Variants in TXLNB observed in about 807,000 individuals in gnomAD.
The protein encoded by TXLNB is beta-taxilin.
TXLNB carries 37 observed loss-of-function variants against 57.4 expected under a neutral mutation model. That is an observed-to-expected ratio of 0.64 (90% CI 0.50 to 0.85). The LOEUF (loss-of-function observed/expected upper bound fraction) is 0.85. TXLNB is among the 40% of genes least tolerant of loss of function. The pLI, the probability that TXLNB is intolerant of heterozygous loss-of-function variation, is 0.00. For missense variants in TXLNB, 848 were observed against 825.6 expected, an observed-to-expected ratio of 1.03 and a Z score of -0.33; for synonymous variants, 302 against 309.6, an observed-to-expected ratio of 0.98 and a Z score of 0.26.
chr6:139,255,093 G>A (rs147528060), intron 7 of TXLNB, among the ~76,000 whole-genome samples: 28 of 152,260 alleles, frequency 1.8e-4, no homozygotes, highest in Middle Eastern at 3.4e-3. Context: ...AAGTGCTGAC[G>A]TTACAGGTGT....
At chr6:139,214,005 A>C in the TXLNB span, among the ~76,000 whole-genome samples, 3 of 152,162 alleles carry the variant, frequency 2.0e-5, no homozygotes, top group East Asian at 1.9e-4. Context: ...CAACCAAAAA[A>C]AGTCCAGGAT....
At chr6:139,297,966 T>G in the TXLNB span, among the ~76,000 whole-genome samples, 1 of 152,162 alleles carries the variant, frequency 6.6e-6, no homozygotes, top group Non-Finnish European at 1.5e-5. Flanking sequence ...CTTTCTAAAA[T>G]GGAGGGAAAT....
the TXLNB span, among the ~76,000 whole-genome samples, chr6:139,196,752 G>C: frequency 2.6e-5 from 4 of 151,908 alleles, no homozygotes; most frequent in Non-Finnish European, 4.4e-5. Flanking sequence ...TCAATTAAAA[G>C]GTAAATTAAA....
At chr6:139,164,124 G>C in the TXLNB span, among the ~76,000 whole-genome samples, 2 of 151,032 alleles carry the variant, frequency 1.3e-5, no homozygotes, top group African/African-American at 4.9e-5. Flanking sequence ...CACTGCTCCT[G>C]AAGCACAGGC....
the TXLNB span, among the ~76,000 whole-genome samples, chr6:139,213,716 T>G: frequency 1.6e-4 from 24 of 151,986 alleles, no homozygotes; most frequent in Admixed American, 7.9e-4. Context: ...ATCAACAAAA[T>G]TGATAGACCA....
intron 9 of TXLNB, among the ~76,000 whole-genome samples, 199 bp downstream of exon 9, chr6:139,244,392 CTCTT>C (rs1028565910): frequency 6.6e-6 from 1 of 152,166 alleles, no homozygotes; most frequent in Non-Finnish European, 1.5e-5. Flanking sequence ...GGTCACAAAA[CTCTT>C]TCTGAGTCTG....
At chr6:139,195,462 G>T in the TXLNB span, among the ~76,000 whole-genome samples, 16 of 152,268 alleles carry the variant, frequency 1.1e-4, no homozygotes, top group Admixed American at 1.0e-3. Flanking sequence ...AGTCTGAGAA[G>T]CCTGTGCATA....
At chr6:139,206,737 G>C in the TXLNB span, among the ~76,000 whole-genome samples, 1 of 151,748 alleles carries the variant, frequency 6.6e-6, no homozygotes, top group Non-Finnish European at 1.5e-5. Flanking sequence ...CCAAGTGTCT[G>C]CTGTCTTCAT....
chr6:139,202,614 G>A, the TXLNB span, among the ~76,000 whole-genome samples: 1 of 152,152 alleles, frequency 6.6e-6, no homozygotes, highest in African/African-American at 2.4e-5. Context: ...ATAAAGTACA[G>A]TGTGATATTT....
intron 5 of TXLNB, 26 bp downstream of exon 5, chr6:139,262,548 ACTGTT>A: frequency 6.4e-7 from 1 of 1,569,446 alleles, no homozygotes; most frequent in Non-Finnish European, 8.7e-7. Flanking sequence ...GGATCTATGT[ACTGTT>A]CTAAGTTGTT....
At chr6:139,239,000 T>C (rs1775867729), downstream of TXLNB, 5 of 152,186 alleles carry the variant, frequency 3.3e-5, no homozygotes, top group South Asian at 1.0e-3. Flanking sequence ...ATGTTACTTT[T>C]ATCATCTCAA....
chr6:139,257,964 G>A (rs1776388220), intron 6 of TXLNB, among the ~76,000 whole-genome samples: 1 of 152,182 alleles, frequency 6.6e-6, no homozygotes, highest in African/African-American at 2.4e-5. Flanking sequence ...GACTGGGGCA[G>A]CTGTGGAGTA....
the TXLNB span, among the ~76,000 whole-genome samples, chr6:139,192,989 AAC>A: frequency 5.6e-5 from 7 of 124,246 alleles, no homozygotes; most frequent in Admixed American, 3.9e-4. Context: ...AAAAAAAAAC[AAC>A]AAAAAAACCC....
chr6:139,220,377 G>T, the TXLNB span, among the ~76,000 whole-genome samples: 1 of 152,220 alleles, frequency 6.6e-6, no homozygotes, highest in Non-Finnish European at 1.5e-5. Flanking sequence ...CTCACACAAA[G>T]TGATGGGAAA....
the TXLNB span, among the ~76,000 whole-genome samples, chr6:139,196,868 T>C: frequency 6.6e-6 from 1 of 152,202 alleles, no homozygotes; most frequent in African/African-American, 2.4e-5. Flanking sequence ...ATAAATGAAT[T>C]CAAGCCATGT....
the TXLNB span, among the ~76,000 whole-genome samples, chr6:139,323,080 CA>C: frequency 7.2e-5 from 11 of 152,196 alleles, no homozygotes; most frequent in Admixed American, 2.6e-4. Context: ...GGAATAATTT[CA>C]ATTGTCATTT....
chr6:139,215,161 C>T, the TXLNB span, among the ~76,000 whole-genome samples: 5 of 152,084 alleles, frequency 3.3e-5, no homozygotes, highest in African/African-American at 9.7e-5. Context: ...AAAAAGCCCG[C>T]ATTGCCAAGT....
the TXLNB span, among the ~76,000 whole-genome samples, chr6:139,168,605 A>C: frequency 2.0e-5 from 3 of 151,110 alleles, no homozygotes; most frequent in South Asian, 6.3e-4. Flanking sequence ...TGCACTCAGG[A>C]CCTGGTGTAC....
the TXLNB span, among the ~76,000 whole-genome samples, chr6:139,321,411 G>A: frequency 1.3e-5 from 2 of 152,136 alleles, no homozygotes; most frequent in African/African-American, 4.8e-5. Flanking sequence ...ACCAGATACT[G>A]AATCTGCTGA....
Sources: gnomAD v4.1 joint callset for allele counts (sites outside exome capture counted in the v4.1 genomes callset) on GRCh38, gnomAD v4.1.1 for gene constraint, MANE v1.5 for transcripts, NCBI Gene and HGNC (gene_info 2026-07-23, HGNC 2026-07-21) for gene names.